The following PEX26 variants were observed in gnomAD, a reference collection of about 807,000 sequenced individuals.
The protein encoded by PEX26 is peroxisome assembly protein 26.
PEX26 carries 18 observed loss-of-function variants against 31.4 expected under a neutral mutation model. That is an observed-to-expected ratio of 0.57 (90% CI 0.40 to 0.85). The LOEUF (loss-of-function observed/expected upper bound fraction) is 0.85, where lower values mean the gene tolerates loss of function less well. PEX26 is among the 40% of genes least tolerant of loss of function. The pLI is 0.00. For missense variants in PEX26, 377 were observed against 383.9 expected, an observed-to-expected ratio of 0.98 and a Z score of 0.15; for synonymous variants, 176 against 166.9, an observed-to-expected ratio of 1.05 and a Z score of -0.42.
Position 18,102,425 on chromosome 22 carries a change from G to A in PEX26, c.*14350G>A, listed in dbSNP as rs1485519820. ...CAAGCCAGTGGGCTGGTGACATCCA[G>A]GATGATCCTCTTCCTTGCCTGGAGG... On this transcript the variant is annotated 3_prime_UTR_variant, in exon 5 of 5. Transcript: ENST00000399744. 1 of 154,504 alleles carries A rather than the reference G, an allele frequency of 6.5e-6. No homozygotes were observed. Among genetic ancestry groups the A allele is most frequent in the Non-Finnish European group, 1.5e-5 (1 of 68,306 alleles). 9.6% of individuals were successfully genotyped at this position (154,504 alleles called of 1,614,324 possible).
chr22:18,082,943 T>A (rs895417725), intron 2 of PEX26, among the ~76,000 whole-genome samples: 9 of 152,216 alleles, frequency 5.9e-5, no homozygotes, highest in Non-Finnish European at 8.8e-5. Context: ...GTATCTTATT[T>A]TTTTGGTAGC....
chr22:18,079,231 C>T, intron 1 of PEX26: 1 of 985,388 alleles, frequency 1.0e-6, no homozygotes, highest in Non-Finnish European at 1.2e-6. Context: ...ATTGCTCTTT[C>T]TAATGCCACC....
chr22:18,078,839 C>A, intron 1 of PEX26: 1 of 694,222 alleles, frequency 1.4e-6, no homozygotes, highest in Non-Finnish European at 2.6e-6. Context: ...CTCCTTGTTC[C>A]AAGGTACAAT....
At chr22:18,085,876 CAAA>C (rs958711836) in intron 4 of PEX26, among the ~76,000 whole-genome samples, 2 of 149,522 alleles carry the variant, frequency 1.3e-5, no homozygotes, top group African/African-American at 4.9e-5. Flanking sequence ...TGTCTCAAAA[CAAA>C]AAACAAAAAA....
rs1376578754 is a variant in PEX26 at position 18,089,808 on chromosome 22, TCTC to T, written c.*1736_*1738del. The T allele has an allele frequency of 1.3e-5, 2 of 152,220 alleles. No individual in the cohort carries two copies. Among genetic ancestry groups the T allele is most frequent in the Non-Finnish European group, 2.9e-5 (2 of 68,104 alleles). 9.4% of individuals were successfully genotyped at this position (152,220 alleles called of 1,614,324 possible). A position where few individuals can be genotyped will look rare whatever the true frequency, so the allele number is the denominator to read the frequency against. On this transcript the variant is annotated 3_prime_UTR_variant, in exon 5 of 5. Transcript: ENST00000399744. ...GCTCCGCCTCCCGGGTTCATGCCAT[TCTC>T]CTGCCTCAGCCTCCCGAGTAGCTGG... is the stretch of plus-strand genomic sequence containing the variant.
chr22:18,085,228 C>G lies in PEX26; in HGVS notation c.784C>G (p.Leu262Val), dbSNP rs776346270. The change falls in exon 4 of 5, where the codon CTC becomes GTC. Residue 262 changes from leucine to valine, a missense_variant. Coordinates refer to ENST00000399744, the MANE Select transcript of PEX26 (RefSeq NM_001127649.3). ...FKKSLLAALI[L>V]CLLVVRFDPA... is the part of the protein sequence containing the mutation. ...AAAGAGTCTCCTGGCTGCCTTGATC[C>G]TCTGTCTCCTGGTGGTGAGATTTGA... 1.1e-5 allele frequency: 17 copies of G among 1,613,988 alleles called. No homozygotes were observed. The highest frequency in any genetic ancestry group is 1.4e-5 in the Non-Finnish European group (17 of 1,180,022).
chr22:18,098,767 CAT>C lies in PEX26; in HGVS notation c.*10702_*10703del, dbSNP rs34765061. 57 of 151,144 alleles carry C rather than the reference CAT, an allele frequency of 3.8e-4. No homozygotes were observed. Among genetic ancestry groups the C allele is most frequent in the Non-Finnish European group, 6.0e-4 (41 of 67,772 alleles). The allele number at this position is 151,144 out of a possible 1,614,324, so 9.4% of individuals were successfully genotyped here. A position where few individuals can be genotyped will look rare whatever the true frequency, so the allele number is the denominator to read the frequency against. The stretch of plus-strand genomic sequence containing the variant: ...ACATGTGTATGTGTGCGTGTGTAGA[CAT>C]ATATATATAATATATATACACATAT... On this transcript the variant is annotated 3_prime_UTR_variant, in exon 5 of 5. Transcript: ENST00000399744.
At position 18,098,578 on chromosome 22, in the gene PEX26, G is replaced by A. The variant is rs1049277255; in HGVS notation, c.*10503G>A. 6.6e-6 allele frequency: 1 copy of A among 151,924 alleles called. No individual in the cohort carries two copies. Among genetic ancestry groups the A allele is most frequent in the African/African-American group, 2.4e-5 (1 of 41,312 alleles). 9.4% of individuals were successfully genotyped at this position (151,924 alleles called of 1,614,324 possible). On this transcript the variant is annotated 3_prime_UTR_variant, in exon 5 of 5. Transcript: ENST00000399744. The stretch of plus-strand genomic sequence containing the variant: ...ACCTGGGAGGCAGAGGTTGCAGTGA[G>A]CTGAGATCCTGCCACTGCACTCCAG...
In PEX26 at chr22:18,087,989, C is replaced by A. The variant is rs1926911750; in HGVS notation, c.832C>A (p.His278Asn). Residue 278 changes from histidine (H) to asparagine (N), a missense_variant, in exon 5 of 5, where the codon CAC (histidine) becomes AAC (asparagine). Coordinates refer to ENST00000399744, the MANE Select transcript of PEX26 (RefSeq NM_001127649.3). ...CCCTGCAGCTTCCCCTTCCTCCCTG[C>A]ACTTCCTCTACAAGCTGGCCCAGCT... ...RFDPASPSSL[H>N]FLYKLAQLFR... The A allele has an allele frequency of 6.2e-7, 1 of 1,613,094 alleles. No homozygotes were observed.
At chr22:18,086,167 G>T (rs973860171) in intron 4 of PEX26, among the ~76,000 whole-genome samples, 20 of 151,522 alleles carry the variant, frequency 1.3e-4, no homozygotes, top group African/African-American at 4.9e-4. Flanking sequence ...GTGTGGTGGT[G>T]CGTGCCTGTA....
chr22:18,080,913 G>A lies in PEX26; in HGVS notation c.371+899G>A, dbSNP rs117179378. Among the ~76,000 whole-genome samples the A allele has an allele frequency of 3.7e-3, 563 of 151,588 alleles. 17 individuals are homozygous for A. In the South Asian group the frequency reaches 0.069, roughly 19 times the overall value. Reference sequence around the variant, plus strand: ...CCACCGTAACTTTGTACCCATTGACGAACCTCTTCCCGTCTTCCTTTTCTT... The same window carrying A: ...CCACCGTAACTTTGTACCCATTGACAAACCTCTTCCCGTCTTCCTTTTCTT... On this transcript the variant is annotated intron_variant, in intron 2 of 4. Transcript: ENST00000399744.
In PEX26 at chr22:18,097,337, C is replaced by T. The variant is rs1332502048; in HGVS notation, c.*9262C>T. 1 of 149,562 alleles carries T rather than the reference C, an allele frequency of 6.7e-6. No individual in the cohort carries two copies. 9.3% of individuals were successfully genotyped at this position (149,562 alleles called of 1,614,324 possible). A position where few individuals can be genotyped will look rare whatever the true frequency, so the allele number is the denominator to read the frequency against. ...GGAGTGCAGGGGTGTGATCTCGGCT[C>T]ACTGCAAGCTCCGCCTTCCGGGTTC... is the stretch of plus-strand genomic sequence containing the variant. On this transcript the variant is annotated 3_prime_UTR_variant, in exon 5 of 5. Coordinates refer to ENST00000399744, the MANE Select transcript of PEX26 (RefSeq NM_001127649.3).
chr22:18,084,237 C>CTTTTTTTTTTTTTTTTTTTTT (rs362041), intron 3 of PEX26, among the ~76,000 whole-genome samples: 1 of 95,320 alleles, frequency 1.0e-5, no homozygotes, highest in Non-Finnish European at 2.1e-5. Context: ...ATCTCTCTCT[C>CTTTTTTTTTTTTTTTTTTTTT]TTTTTTTTTT....
Position 18,078,218 on chromosome 22 carries a change from C to T in PEX26, c.-159C>T, listed in dbSNP as rs1926373287. The T allele has an allele frequency of 2.8e-6, 2 of 713,212 alleles. No homozygotes were observed. Among genetic ancestry groups the T allele is most frequent in the Non-Finnish European group, 5.1e-6 (2 of 395,532 alleles). 44.2% of individuals were successfully genotyped at this position (713,212 alleles called of 1,614,324 possible). ...GCCCAGCTTTTGCCTCAGATAGGCC[C>T]CTTCCTTTTCCTTCTCGGGGAATCG... On this transcript the variant is annotated 5_prime_UTR_variant, in exon 1 of 5. Transcript: ENST00000399744.
In PEX26 at chr22:18,085,188, T is replaced by C. The variant is rs748090122; in HGVS notation, c.744T>C (p.Phe248=). The change falls in exon 4 of 5, where the codon TTT becomes TTC. Residue 248 remains phenylalanine, a synonymous_variant. Coordinates refer to ENST00000399744, the MANE Select transcript of PEX26 (RefSeq NM_001127649.3). ...QLWDSAVSHF[F]SLPFKKSLLA... is the part of the protein sequence containing the mutation. ...GGGACTCTGCGGTGAGCCACTTCTT[T>C]TCTCTGCCCTTCAAAAAGAGTCTCC... 5 of 1,614,146 alleles carry C rather than the reference T, an allele frequency of 3.1e-6. No individual in the cohort carries two copies. Among genetic ancestry groups the C allele is most frequent in the Non-Finnish European group, 4.2e-6 (5 of 1,179,996 alleles).
rs146519987 is a variant in PEX26 at position 18,085,345 on chromosome 22, C to G, written c.814+87C>G. ...GTGGGAGTGGGTGTTTGTCAGAGTC[C>G]TACTGGGGAGGGGAGTCTCTCCTAT... On this transcript the variant is annotated intron_variant, in intron 4 of 4. Coordinates refer to ENST00000399744, the MANE Select transcript of PEX26 (RefSeq NM_001127649.3). 1.6e-4 allele frequency: 219 copies of G among 1,377,232 alleles called. 1 individual carries two copies. In the East Asian group the frequency reaches 4.5e-3, roughly 28 times the overall value. 85.3% of individuals were successfully genotyped at this position (1,377,232 alleles called of 1,614,324 possible). A position where few individuals can be genotyped will look rare whatever the true frequency, so the allele number is the denominator to read the frequency against.
At chr22:18,087,376 G>T (rs1160703364) in intron 4 of PEX26, among the ~76,000 whole-genome samples, 1 of 152,082 alleles carries the variant, frequency 6.6e-6, no homozygotes, top group African/African-American at 2.4e-5. Context: ...TGCCTGGCCA[G>T]CGAGGTTTCC....
At chr22:18,081,085 C>G (rs577803661) in intron 2 of PEX26, among the ~76,000 whole-genome samples, 1 of 148,712 alleles carries the variant, frequency 6.7e-6, no homozygotes, top group African/African-American at 2.4e-5. Flanking sequence ...ATGATGTCCC[C>G]CAGGTCCACC....
In PEX26 at chr22:18,088,649, G is replaced by A. The variant is rs1339200888; in HGVS notation, c.*574G>A. 2 of 199,334 alleles carry A rather than the reference G, an allele frequency of 1.0e-5. No individual in the cohort carries two copies. The highest frequency in any genetic ancestry group is 1.2e-4 in the East Asian group (1 of 8,296). The allele number at this position is 199,334 out of a possible 1,614,324, so 12.3% of individuals were successfully genotyped here. On this transcript the variant is annotated 3_prime_UTR_variant, in exon 5 of 5. Coordinates refer to ENST00000399744, the MANE Select transcript of PEX26 (RefSeq NM_001127649.3). The surrounding 1 kb of genome is among the most constrained non-coding windows in gnomAD (Gnocchi z 4.1). Reference sequence around the variant, plus strand: ...CAAAAATTAGCTAGATGTGGTGCACGCCTATAGTCCTAGCTACTTGGGAGG... The same window carrying A: ...CAAAAATTAGCTAGATGTGGTGCACACCTATAGTCCTAGCTACTTGGGAGG...
Sources: gnomAD v4.1 joint callset for allele counts (sites outside exome capture counted in the v4.1 genomes callset) on GRCh38, gnomAD v4.1.1 for gene constraint, Gnocchi (gnomAD v3.1) non-coding constraint, MANE v1.5 for transcripts, NCBI Gene and HGNC (gene_info 2026-07-23, HGNC 2026-07-21) for gene names.